ANKLE2: variants seen among roughly 807,000 people sequenced by gnomAD.
ANKLE2 encodes the protein ankyrin repeat and LEM domain-containing protein 2.
ANKLE2 carries 55 observed loss-of-function variants against 84.2 expected under a neutral mutation model. That is an observed-to-expected ratio of 0.65 (90% confidence interval 0.53 to 0.82). The LOEUF (loss-of-function observed/expected upper bound fraction) is 0.82, where lower values mean the gene tolerates loss of function less well. Ranked by LOEUF, ANKLE2 falls within the 40% of genes least tolerant of loss-of-function variation. The probability of loss-of-function intolerance (pLI) is 0.00; values close to 1 mark genes in which losing one functional copy is unlikely to be tolerated. For missense variants in ANKLE2, 1,238 were observed against 1,201.9 expected (o/e 1.03, Z -0.44); for synonymous variants, 551 against 486.1 (o/e 1.13, Z -1.76).
At chr12:132,756,935 A>AAAC (rs894028763) in intron 1 of ANKLE2, 1 of 152,112 alleles carries the variant, frequency 6.6e-6, no homozygotes, top group Admixed American at 6.6e-5. Context: ...CACCTCAATA[A>AAAC]AACAACAACA....
chr12:132,739,168 C>CA (rs1363467397), intron 7 of ANKLE2, among the ~76,000 whole-genome samples: 4 of 152,130 alleles, frequency 2.6e-5, no homozygotes, highest in Non-Finnish European at 5.9e-5. Flanking sequence ...CTATACTGAT[C>CA]ACCAGGTGAA....
chr12:132,738,287 G>A (rs1011546766), intron 7 of ANKLE2: 3 of 152,324 alleles, frequency 2.0e-5, no homozygotes, highest in Non-Finnish European at 4.4e-5. Context: ...GCACTTGGAT[G>A]TGAGTATGGA....
chr12:132,749,894 C>T (rs1264579373), intron 3 of ANKLE2, among the ~76,000 whole-genome samples: 3 of 152,142 alleles, frequency 2.0e-5, no homozygotes, highest in Non-Finnish European at 4.4e-5. Flanking sequence ...TCCAAAAAGG[C>T]GCAGGGGCTC....
At chr12:132,733,009 G>C (rs1179910895) in intron 10 of ANKLE2, among the ~76,000 whole-genome samples, 2 of 138,052 alleles carry the variant, frequency 1.4e-5, no homozygotes, top group Non-Finnish European at 3.1e-5. Context: ...TGTCTGATAT[G>C]CACTGTGTGA....
intron 10 of ANKLE2, chr12:132,731,415 A>G (rs1249248607): frequency 9.9e-6 from 1 of 101,274 alleles, no homozygotes; most frequent in African/African-American, 3.4e-5. Context: ...ATGTATGTCA[A>G]TCATTTTCAT....
intron 1 of ANKLE2, chr12:132,757,726 G>A (rs2044516039): frequency 6.6e-6 from 1 of 152,252 alleles, no homozygotes; most frequent in Admixed American, 6.5e-5. Context: ...AGGAGGCTGA[G>A]GCAGGAGAAT....
At chr12:132,728,773 C>A (rs1318901062) in intron 11 of ANKLE2, among the ~76,000 whole-genome samples, 2 of 152,182 alleles carry the variant, frequency 1.3e-5, no homozygotes, top group African/African-American at 4.8e-5. Flanking sequence ...GTAGCAGGAT[C>A]CACCCGCTGT....
chr12:132,738,776 G>A (rs1458859611), intron 7 of ANKLE2: 6 of 152,118 alleles, frequency 3.9e-5, no homozygotes, highest in Admixed American at 1.3e-4. Context: ...CGCCTGCCTC[G>A]GCCTCCCACA....
In ANKLE2 at chr12:132,747,788, A is replaced by T. The variant is rs1254761577; in HGVS notation, c.1230+44T>A. On this transcript the variant is annotated intron_variant, in intron 5 of 12. Coordinates refer to ENST00000357997, the MANE Select transcript of ANKLE2 (RefSeq NM_015114.3). ...AGCATTCTTTTGGGGAAAGACTTTT[A>T]ACCAATTAAATAAAGAAAGCGTGAG... 2 of 1,567,176 alleles carry T rather than the reference A, an allele frequency of 1.3e-6. 1 individual carries two copies. The highest frequency in any genetic ancestry group is 1.7e-6 in the Non-Finnish European group (2 of 1,166,802).
chr12:132,741,711 C>A, intron 6 of ANKLE2: 2 of 650,006 alleles, frequency 3.1e-6, no homozygotes, highest in Non-Finnish European at 5.7e-6. Context: ...AAATTTACTT[C>A]TTGTTTGCGC....
intron 1 of ANKLE2, chr12:132,761,171 C>G (rs1048432408): frequency 6.4e-6 from 1 of 155,272 alleles, no homozygotes; most frequent in Non-Finnish European, 1.4e-5. Flanking sequence ...CCCTGAGTTA[C>G]ATTTGCCTTT....
chr12:132,750,411 C>T (rs1186023230), intron 3 of ANKLE2, among the ~76,000 whole-genome samples: 1 of 151,830 alleles, frequency 6.6e-6, no homozygotes, highest in Non-Finnish European at 1.5e-5. Flanking sequence ...AGAAAAAAAT[C>T]CAACAGACAC....
intron 6 of ANKLE2, chr12:132,742,471 C>G (rs1042030209): frequency 2.0e-5 from 3 of 152,490 alleles, no homozygotes; most frequent in Admixed American, 6.5e-5. Context: ...AAAAATCAAA[C>G]TCATCTTTCA....
chr12:132,761,491 G>A, intron 1 of ANKLE2, 127 bp downstream of exon 1: 1 of 852,496 alleles, frequency 1.2e-6, no homozygotes, highest in Non-Finnish European at 1.5e-6. Context: ...ACCGGCCCTG[G>A]TTTCCCCGGC....
chr12:132,759,613 T>C (rs1468248674), intron 1 of ANKLE2: 4 of 128,362 alleles, frequency 3.1e-5, no homozygotes, highest in Admixed American at 2.1e-4. Flanking sequence ...TTATATAAAA[T>C]AAATCAGTAT....
chr12:132,761,135 T>G (rs1199699268), intron 1 of ANKLE2: 2 of 153,372 alleles, frequency 1.3e-5, no homozygotes, highest in African/African-American at 4.8e-5. Context: ...AATGGCCACC[T>G]TCTCCCTCTT....
chr12:132,758,011 C>G (rs1420927344), intron 1 of ANKLE2: 1 of 151,416 alleles, frequency 6.6e-6, no homozygotes, highest in Non-Finnish European at 1.5e-5. Flanking sequence ...AGAACAGCCA[C>G]AGATATACAT....
At position 132,729,978 on chromosome 12, in the gene ANKLE2, A is replaced by G; in HGVS notation, c.2184T>C (p.Pro728=). 1.9e-6 allele frequency: 3 copies of G among 1,613,462 alleles called. No individual in the cohort carries two copies. The highest frequency in any genetic ancestry group is 2.7e-5 in the African/African-American group (2 of 75,028). The part of the protein sequence containing the change: ...APRGEEAHLP[P]VSDLTVEFDK... ...CAAACTCAACAGTCAAATCCGAGAC[A>G]GGTGGCAGATGGGCTTCCTCCCCAC... is the stretch of plus-strand genomic sequence containing the variant. The change falls in exon 11 of 13, where the codon CCT becomes CCC. Residue 728 remains proline (P), a synonymous_variant. Transcript: ENST00000357997.
intron 1 of ANKLE2, chr12:132,761,325 C>A (rs929977332): frequency 7.4e-6 from 2 of 270,320 alleles, no homozygotes; most frequent in Middle Eastern, 1.0e-3. Flanking sequence ...CAAGAGTCTC[C>A]GCTAACGCCT....
Sources: gnomAD v4.1 joint callset for allele counts (sites outside exome capture counted in the v4.1 genomes callset) on GRCh38, gnomAD v4.1.1 for gene constraint, MANE v1.5 for transcripts, NCBI Gene and HGNC (gene_info 2026-07-23, HGNC 2026-07-21) for gene names.